The following GRM7 variants were observed in gnomAD, a reference collection of about 807,000 sequenced individuals.
GRM7 encodes glutamate metabotropic receptor 7, also known as metabotropic glutamate receptor 7.
A neutral mutation model predicts 84.5 loss-of-function variants in GRM7; 35 were observed. The observed-to-expected ratio is 0.41, with a 90% confidence interval of 0.32 to 0.55. GRM7 has a LOEUF of 0.55. GRM7 is among the 20% of genes least tolerant of loss of function. The pLI, the probability that GRM7 is intolerant of heterozygous loss-of-function variation, is 0.19. For synonymous variants in GRM7, 487 were observed against 455.1 expected, an observed-to-expected ratio of 1.07 and a Z score of -0.89; for missense variants, 1,003 against 1,194.6, an observed-to-expected ratio of 0.84 and a Z score of 2.36.
rs566202188 is a variant in GRM7, at chr3:7,181,501, ATC to A, written c.736+34837_736+34838del. Among the ~76,000 whole-genome samples, 31 of 152,176 alleles carry A rather than the reference ATC, an allele frequency of 2.0e-4. No homozygotes were observed. In the South Asian group the frequency reaches 5.0e-3, roughly 24 times the overall value. ...GCATTAAAAATAGCAAAGAAGGCAA[ATC>A]TCTGTATTTTACAAGCTGTGACATT... is the stretch of plus-strand genomic sequence containing the variant. On this transcript the variant is annotated intron_variant, in intron 2 of 9. Coordinates refer to ENST00000357716, the MANE Select transcript of GRM7 (RefSeq NM_000844.4).
chr3:7,695,485 T>C (rs1316821758), intron 9 of GRM7, among the ~76,000 whole-genome samples: 3 of 152,232 alleles, frequency 2.0e-5, no homozygotes, highest in African/African-American at 7.2e-5. Flanking sequence ...TCTTCATTTA[T>C]GCTTTCTATG....
intron 4 of GRM7, among the ~76,000 whole-genome samples, chr3:7,353,196 C>T (rs1191046180): frequency 2.0e-5 from 3 of 151,966 alleles, no homozygotes; most frequent in Admixed American, 6.6e-5. Context: ...CGCAGCAGGT[C>T]CCTAAAGGTA....
At chr3:6,976,444 C>T (rs1397941262) in intron 1 of GRM7, among the ~76,000 whole-genome samples, 1 of 152,220 alleles carries the variant, frequency 6.6e-6, no homozygotes, top group African/African-American at 2.4e-5. Flanking sequence ...GGAGGCCCTG[C>T]ATCCCACTTT....
intron 1 of GRM7, among the ~76,000 whole-genome samples, chr3:7,076,904 T>C (rs1318109694): frequency 6.6e-6 from 1 of 152,054 alleles, no homozygotes; most frequent in Non-Finnish European, 1.5e-5. Context: ...CATCAAAAAG[T>C]GGGCGAAGGA....
chr3:7,737,741 T>C (rs1702551364), intron 9 of GRM7, among the ~76,000 whole-genome samples: 1 of 152,324 alleles, frequency 6.6e-6, no homozygotes, highest in East Asian at 1.9e-4. Context: ...CATAGAACTC[T>C]GTAATTTAAA....
At chr3:7,471,398 A>G (rs193220245) in intron 7 of GRM7, among the ~76,000 whole-genome samples, 31 of 152,012 alleles carry the variant, frequency 2.0e-4, no homozygotes, top group Non-Finnish European at 4.0e-4. Flanking sequence ...TGCTGGAAAA[A>G]TTTAGTCCTG....
chr3:7,167,973 C>CAAAAAAAAA (rs60681836), intron 2 of GRM7, among the ~76,000 whole-genome samples: 2 of 54,610 alleles, frequency 3.7e-5, no homozygotes, highest in African/African-American at 6.7e-5. Context: ...GACTCTGTCT[C>CAAAAAAAAA]AAAAAAAAAA....
At chr3:6,881,916 T>C (rs1238327541) in intron 1 of GRM7, among the ~76,000 whole-genome samples, 1 of 116,508 alleles carries the variant, frequency 8.6e-6, no homozygotes, top group Non-Finnish European at 1.8e-5. Context: ...TCTAAGGCAA[T>C]TGAATTGTGT....
intron 8 of GRM7, among the ~76,000 whole-genome samples, chr3:7,634,335 TAGG>T (rs1266866553): frequency 2.0e-5 from 3 of 151,988 alleles, no homozygotes; most frequent in Non-Finnish European, 4.4e-5. Context: ...CTAACTCAAT[TAGG>T]AGCCTATTTC....
chr3:7,334,999 G>A (rs796077888), intron 4 of GRM7, among the ~76,000 whole-genome samples: 22 of 140,832 alleles, frequency 1.6e-4, no homozygotes, highest in African/African-American at 6.6e-4. Flanking sequence ...GCACTAGACA[G>A]GTCATCAAGA....
At chr3:7,566,503 ATATC>A (rs1230228890) in intron 7 of GRM7, among the ~76,000 whole-genome samples, 2 of 152,228 alleles carry the variant, frequency 1.3e-5, no homozygotes, top group Admixed American at 6.5e-5. Flanking sequence ...TGGAATAAAA[ATATC>A]TATCTTTGAT....
At chr3:7,567,442 G>A (rs1559407642) in intron 7 of GRM7, among the ~76,000 whole-genome samples, 1 of 152,092 alleles carries the variant, frequency 6.6e-6, no homozygotes, top group Non-Finnish European at 1.5e-5. Context: ...AGAAGTTTCA[G>A]CAAATGTTTT....
chr3:7,085,760 AG>A (rs146325887), intron 1 of GRM7, among the ~76,000 whole-genome samples: 2,455 of 152,214 alleles, frequency 0.016, 67 homozygotes, highest in African/African-American at 0.056. Context: ...ATGTGTAGCT[AG>A]AAAAATATGC....
intron 7 of GRM7, among the ~76,000 whole-genome samples, chr3:7,535,994 G>A (rs1701227681): frequency 6.6e-6 from 1 of 152,170 alleles, no homozygotes; most frequent in Non-Finnish European, 1.5e-5. Flanking sequence ...TGCTCCTCAA[G>A]ATGTTTCAGG....
chr3:6,894,170 T>C (rs1350344522), intron 1 of GRM7: 1 of 152,172 alleles, frequency 6.6e-6, no homozygotes, highest in Non-Finnish European at 1.5e-5. Flanking sequence ...TGATCCTGAG[T>C]ACACCTAGTT....
intron 4 of GRM7, among the ~76,000 whole-genome samples, chr3:7,394,379 A>G (rs1695124405): frequency 6.6e-6 from 1 of 152,170 alleles, no homozygotes; most frequent in African/African-American, 2.4e-5. Flanking sequence ...AGTGTTCTCG[A>G]TCTTTTGTGA....
chr3:7,271,456 G>A (rs941654781), intron 2 of GRM7, among the ~76,000 whole-genome samples: 3 of 151,534 alleles, frequency 2.0e-5, no homozygotes, highest in South Asian at 4.2e-4. Context: ...CTACTCGGGA[G>A]GCTGAGGCAG....
intron 2 of GRM7, among the ~76,000 whole-genome samples, chr3:7,241,903 T>G (rs1461822330): frequency 2.6e-5 from 4 of 152,148 alleles, no homozygotes; most frequent in Admixed American, 2.6e-4. Context: ...AGGAGCAAGT[T>G]TCTCAGCATA....
At chr3:6,869,728 G>T (rs1033525597) in intron 1 of GRM7, among the ~76,000 whole-genome samples, 1 of 152,168 alleles carries the variant, frequency 6.6e-6, no homozygotes, top group African/African-American at 2.4e-5. Flanking sequence ...TCAGTGGAAT[G>T]AAACTTTTTA....
Sources: allele counts gnomAD v4.1 joint callset (sites outside exome capture counted in the v4.1 genomes callset), GRCh38; gene constraint gnomAD v4.1.1; transcripts MANE v1.5; gene names NCBI Gene and HGNC (gene_info 2026-07-23, HGNC 2026-07-21).